The following GCLC variants were observed in gnomAD, a reference collection of about 807,000 sequenced individuals.
GCLC encodes the protein glutamate--cysteine ligase catalytic subunit.
In GCLC, 30 loss-of-function variants were observed where a neutral mutation model predicts 81.5. That is an observed-to-expected ratio of 0.37 (90% confidence interval 0.28 to 0.50). The LOEUF is 0.50. Among genes scored for constraint, GCLC ranks in the 20% least tolerant of loss-of-function variants. The pLI, the probability that GCLC is intolerant of heterozygous loss-of-function variation, is 0.96. For missense variants in GCLC, 556 were observed against 777.4 expected, an observed-to-expected ratio of 0.72 and a Z score of 3.39; for synonymous variants, 262 against 273.3, an observed-to-expected ratio of 0.96 and a Z score of 0.41.
intron 4 of GCLC, among the ~76,000 whole-genome samples, chr6:53,514,757 C>T (rs141550888): frequency 3.2e-4 from 48 of 152,316 alleles, no homozygotes; most frequent in African/African-American, 1.1e-3. Context: ...CCAAGGCTCC[C>T]TGTAACTTAC....
At chr6:53,532,420 T>C (rs1763189671) in intron 1 of GCLC, among the ~76,000 whole-genome samples, 1 of 152,340 alleles carries the variant, frequency 6.6e-6, no homozygotes, top group African/African-American at 2.4e-5. Context: ...AGGAATAAAG[T>C]TTTTGTTTAC....
At chr6:53,527,748 C>T (rs536635536) in intron 1 of GCLC, among the ~76,000 whole-genome samples, 20 of 152,278 alleles carry the variant, frequency 1.3e-4, no homozygotes, top group African/African-American at 4.6e-4. Context: ...AGAGGAAGTG[C>T]CATTTAAATT....
chr6:53,516,562 C>G (rs754291111), intron 3 of GCLC, among the ~76,000 whole-genome samples: 2 of 152,226 alleles, frequency 1.3e-5, no homozygotes, highest in African/African-American at 2.4e-5. Flanking sequence ...TTGGTCACAT[C>G]AGCTGTCATG....
chr6:53,531,568 C>T (rs778492018), intron 1 of GCLC, among the ~76,000 whole-genome samples: 4 of 152,212 alleles, frequency 2.6e-5, no homozygotes, highest in Admixed American at 2.0e-4. Flanking sequence ...CCACCCCACA[C>T]GATGTTGCAG....
At chr6:53,529,619 T>G (rs537901746) in intron 1 of GCLC, among the ~76,000 whole-genome samples, 3 of 152,360 alleles carry the variant, frequency 2.0e-5, no homozygotes, top group South Asian at 2.1e-4. Context: ...CTTATTTACC[T>G]CCAATCATCT....
chr6:53,542,485 C>A (rs560286205), intron 1 of GCLC, among the ~76,000 whole-genome samples: 1 of 150,586 alleles, frequency 6.6e-6, no homozygotes, highest in Non-Finnish European at 1.5e-5. Flanking sequence ...CTCTTCCTGC[C>A]AACAGGAGAG....
intron 8 of GCLC, among the ~76,000 whole-genome samples, chr6:53,508,330 C>T (rs1764659074): frequency 6.6e-6 from 1 of 152,166 alleles, no homozygotes; most frequent in Non-Finnish European, 1.5e-5. Flanking sequence ...ATATACAAAA[C>T]ACTCATGTGG....
intron 12 of GCLC, among the ~76,000 whole-genome samples, chr6:53,504,992 G>T (rs1360558175): frequency 6.6e-6 from 1 of 152,090 alleles, no homozygotes; most frequent in Admixed American, 6.5e-5. Context: ...TGGTCTTTTG[G>T]GGGGCAGATT....
rs889739015 is a variant in GCLC at position 53,499,925 on chromosome 6, A to G, written c.1702+120T>C. 8.0e-6 allele frequency: 6 copies of G among 752,786 alleles called. No homozygotes were observed. In the African/African-American group the frequency reaches 1.0e-4, roughly 13 times the overall value. The allele number at this position is 752,786 out of a possible 1,614,324, so 46.6% of individuals were successfully genotyped here. On this transcript the variant is annotated intron_variant, in intron 15 of 15. Transcript: ENST00000650454. Reference sequence around the variant, plus strand: ...AAGGTGAATACAATTGCAGAAATATAAAAATGTGAAACTGTGCATGAATAC... The same window carrying G: ...AAGGTGAATACAATTGCAGAAATATGAAAATGTGAAACTGTGCATGAATAC...
At chr6:53,540,285 A>G (rs1224186452) in intron 1 of GCLC, among the ~76,000 whole-genome samples, 4 of 149,792 alleles carry the variant, frequency 2.7e-5, no homozygotes, top group African/African-American at 9.8e-5. Context: ...AATGAAGAAA[A>G]TGTGGTACAT....
At chr6:53,533,327 A>G (rs1334442135) in intron 1 of GCLC, among the ~76,000 whole-genome samples, 2 of 152,146 alleles carry the variant, frequency 1.3e-5, no homozygotes, top group Non-Finnish European at 2.9e-5. Flanking sequence ...AACTTTTGCT[A>G]TTCTCCCAAA....
At chr6:53,524,494 A>G (rs1357347872) in intron 1 of GCLC, among the ~76,000 whole-genome samples, 4 of 152,186 alleles carry the variant, frequency 2.6e-5, no homozygotes, top group African/African-American at 4.8e-5. Flanking sequence ...GGCTGTAACA[A>G]TAGTTACAGT....
intron 3 of GCLC, among the ~76,000 whole-genome samples, chr6:53,518,698 T>C (rs905765412): frequency 1.3e-5 from 2 of 152,194 alleles, no homozygotes; most frequent in Non-Finnish European, 2.9e-5. Context: ...CTTTAATATA[T>C]AAAACAGTTC....
Position 53,497,780 on chromosome 6 carries a change from T to C in GCLC, c.*976A>G, listed in dbSNP as rs1219689370. On this transcript the variant is annotated 3_prime_UTR_variant, in exon 16 of 16. Transcript: ENST00000650454. Reference sequence around the variant, plus strand: ...TTATTGATGAGTTTTATAGAGAAAGTAAGCAGTATGTAGAATATTCCCCAG... The same window carrying C: ...TTATTGATGAGTTTTATAGAGAAAGCAAGCAGTATGTAGAATATTCCCCAG... The C allele has an allele frequency of 6.6e-6, 1 of 152,638 alleles. No homozygotes were observed. The highest frequency in any genetic ancestry group is 1.9e-4 in the East Asian group (1 of 5,206). 9.5% of individuals were successfully genotyped at this position (152,638 alleles called of 1,614,324 possible). A position where few individuals can be genotyped will look rare whatever the true frequency, so the allele number is the denominator to read the frequency against.
rs147002011 is a variant in GCLC, at chr6:53,534,540, C to T, written c.150+9956G>A. Reference sequence around the variant, plus strand: ...ATATGAAAGAATAATTTTCAAGACACTGCGTATCAGATAAGAAAGGATCCC... The same window carrying T: ...ATATGAAAGAATAATTTTCAAGACATTGCGTATCAGATAAGAAAGGATCCC... On this transcript the variant is annotated intron_variant, in intron 1 of 15. Transcript: ENST00000650454. Among the ~76,000 whole-genome samples the T allele has an allele frequency of 1.1e-4, 16 of 151,804 alleles. No homozygotes were observed. The East Asian group carries it at 2.3e-3, about 22-fold the overall frequency.
At chr6:53,524,409 A>G (rs1763047961) in intron 1 of GCLC, among the ~76,000 whole-genome samples, 1 of 152,218 alleles carries the variant, frequency 6.6e-6, no homozygotes, top group Non-Finnish European at 1.5e-5. Flanking sequence ...AAGTTATAAT[A>G]CTGGATGAAA....
chr6:53,505,391 C>T lies in GCLC; in HGVS notation c.1395+1G>A. 2 of 1,392,544 alleles carry T rather than the reference C, an allele frequency of 1.4e-6. No individual in the cohort carries two copies. Among genetic ancestry groups the T allele is most frequent in the Non-Finnish European group, 2.0e-6 (2 of 978,218 alleles). The allele number at this position is 1,392,544 out of a possible 1,614,324, so 86.3% of individuals were successfully genotyped here. On this transcript the variant is annotated splice_donor_variant, in intron 12 of 15. Coordinates refer to ENST00000650454, the MANE Select transcript of GCLC (RefSeq NM_001498.4). LOFTEE classifies it high-confidence loss of function. ...ATCACCATAAAGAAACATATCCTTA[C>T]CTTTGACAGTGGAATGAGAAAATCC...
At chr6:53,519,744 C>G (rs1762951787) in intron 3 of GCLC, among the ~76,000 whole-genome samples, 2 of 152,100 alleles carry the variant, frequency 1.3e-5, no homozygotes, top group African/African-American at 4.8e-5. Flanking sequence ...GTTTTTCCTT[C>G]TGGGGGTGGA....
At chr6:53,528,123 A>T (rs2127627626) in intron 1 of GCLC, among the ~76,000 whole-genome samples, 1 of 152,374 alleles carries the variant, frequency 6.6e-6, no homozygotes, top group East Asian at 1.9e-4. Context: ...GGTGTTAGCC[A>T]TAGTGATGCT....
Sources: gnomAD v4.1 joint callset for allele counts (sites outside exome capture counted in the v4.1 genomes callset) on GRCh38, gnomAD v4.1.1 for gene constraint, MANE v1.5 for transcripts, NCBI Gene and HGNC (gene_info 2026-07-23, HGNC 2026-07-21) for gene names.